Variants in JMY observed in about 807,000 individuals in gnomAD.
JMY encodes the protein junction-mediating and -regulatory protein.
In JMY, 46 loss-of-function variants were observed where a neutral mutation model predicts 103.3. That is an observed-to-expected ratio of 0.45 (90% CI 0.35 to 0.57). The LOEUF (loss-of-function observed/expected upper bound fraction) is 0.57. JMY is among the 20% of genes least tolerant of loss of function. The pLI, the probability that JMY is intolerant of heterozygous loss-of-function variation, is 0.00. For synonymous variants in JMY, 526 were observed against 489.3 expected (o/e 1.07, Z -0.99); for missense variants, 1,238 against 1,255.2 (o/e 0.99, Z 0.21).
At position 79,290,267 on chromosome 5, in the gene JMY, A is replaced by C. The variant is rs780701889; in HGVS notation, c.1353A>C (p.Gln451His). 1 of 1,476,762 alleles carries C rather than the reference A, an allele frequency of 6.8e-7. No homozygotes were observed. Among genetic ancestry groups the C allele is most frequent in the East Asian group, 2.5e-5 (1 of 40,730 alleles). 91.5% of individuals were successfully genotyped at this position (1,476,762 alleles called of 1,614,324 possible). ...ACTTTGAAATAACAGCTAAAGCTCA[A>C]AAAGGTAGGTTTCTCAGTAAATTTA... Reference protein sequence around the residue: ...VKYFEITAKAQKAVYDRMRAD... With the variant: ...VKYFEITAKAHKAVYDRMRAD... Residue 451 changes from glutamine to histidine, a missense_variant, in exon 3 of 11, where the codon CAA (glutamine) becomes CAC (histidine). Transcript: ENST00000396137.
intron 1 of JMY, among the ~76,000 whole-genome samples, chr5:79,267,018 T>C (rs1745605069): frequency 6.6e-6 from 1 of 152,222 alleles, no homozygotes; most frequent in African/African-American, 2.4e-5. Flanking sequence ...TAGACTTGAG[T>C]TTTTACATCA....
At chr5:79,241,128 C>T (rs1744727371) in intron 1 of JMY, among the ~76,000 whole-genome samples, 1 of 152,110 alleles carries the variant, frequency 6.6e-6, no homozygotes, top group South Asian at 2.1e-4. Context: ...CTTAAAATCA[C>T]CTGTTTTTGT....
chr5:79,277,825 C>T (rs1745984277), intron 1 of JMY, 85 bp from the exon 2 acceptor site: 2 of 1,268,186 alleles, frequency 1.6e-6, no homozygotes, highest in Admixed American at 2.3e-5. Context: ...TTCCGAGGTC[C>T]TGGCATGATA....
At chr5:79,307,687 T>A (rs2220839) in intron 7 of JMY, among the ~76,000 whole-genome samples, 80,678 of 152,032 alleles carry the variant, frequency 0.53, 22,019 homozygotes, top group Non-Finnish European at 0.62. Context: ...AGAGCGCATC[T>A]GTCCAAATGC....
intron 1 of JMY, among the ~76,000 whole-genome samples, chr5:79,270,083 T>C (rs1745699713): frequency 6.6e-6 from 1 of 151,920 alleles, no homozygotes; most frequent in African/African-American, 2.4e-5. Context: ...CATGGACAAA[T>C]AGGTCATCTG....
intron 7 of JMY, among the ~76,000 whole-genome samples, chr5:79,310,864 T>C (rs188597200): frequency 1.7e-4 from 26 of 152,214 alleles, no homozygotes; most frequent in African/African-American, 5.5e-4. Context: ...CAAGAAAACA[T>C]ACATGGTGGC....
chr5:79,236,518 G>C lies in JMY; in HGVS notation c.-133G>C. 1 of 617,760 alleles carries C rather than the reference G, an allele frequency of 1.6e-6. No homozygotes were observed. The highest frequency in any genetic ancestry group is 4.1e-5 in the South Asian group (1 of 24,254). 38.3% of individuals were successfully genotyped at this position (617,760 alleles called of 1,614,324 possible). On this transcript the variant is annotated 5_prime_UTR_variant, in exon 1 of 11. Transcript: ENST00000396137. The stretch of plus-strand genomic sequence containing the variant: ...GCGGAGGGACAGGCGAACGAGCCGG[G>C]AGAGCCGGCCGGCGCACTAAGATGG...
intron 1 of JMY, among the ~76,000 whole-genome samples, chr5:79,237,979 C>T (rs2112036929): frequency 6.6e-6 from 1 of 152,286 alleles, no homozygotes; most frequent in African/African-American, 2.4e-5. Flanking sequence ...GAAAAGTGTT[C>T]TGTAAGCATG....
At chr5:79,269,736 A>AT (rs905517032) in intron 1 of JMY, among the ~76,000 whole-genome samples, 54 of 149,236 alleles carry the variant, frequency 3.6e-4, no homozygotes, top group Middle Eastern at 3.4e-3. Context: ...TTTTTTATTT[A>AT]TTTTTTTTTT....
At chr5:79,246,363 T>C (rs1053602902) in intron 1 of JMY, among the ~76,000 whole-genome samples, 1 of 152,144 alleles carries the variant, frequency 6.6e-6, no homozygotes, top group Non-Finnish European at 1.5e-5. Flanking sequence ...AATAGTTAGT[T>C]AACCTTTATT....
rs764755143 is a variant in JMY, at chr5:79,237,491, G to C, written c.841G>C (p.Glu281Gln). 1 of 1,613,776 alleles carries C rather than the reference G, an allele frequency of 6.2e-7. No individual in the cohort carries two copies. Reference protein sequence around the residue: ...FGGAPEMTEQEIDTLCYQLQV... With the variant: ...FGGAPEMTEQQIDTLCYQLQV... ...GGGCGCCCCCGAGATGACCGAGCAG[G>C]AAATCGACACTCTGTGTTACCAGCT... is the stretch of plus-strand genomic sequence containing the variant. The change falls in exon 1 of 11, where the codon GAA (glutamate) becomes CAA (glutamine). Residue 281 changes from glutamate (E) to glutamine (Q), a missense_variant. By Grantham distance (29) the Glu-to-Gln change is conservative. Transcript: ENST00000396137.
intron 4 of JMY, among the ~76,000 whole-genome samples, chr5:79,291,766 C>T (rs747041376): frequency 2.0e-5 from 3 of 152,148 alleles, no homozygotes; most frequent in Admixed American, 6.5e-5. Context: ...CCTCTGTACC[C>T]GCTACAGTCA....
chr5:79,312,513 G>A lies in JMY; in HGVS notation c.2064+15G>A. 7.4e-7 allele frequency: 1 copy of A among 1,344,148 alleles called. No individual in the cohort carries two copies. Among genetic ancestry groups the A allele is most frequent in the Non-Finnish European group, 1.0e-6 (1 of 987,142 alleles). 83.3% of individuals were successfully genotyped at this position (1,344,148 alleles called of 1,614,324 possible). On this transcript the variant is annotated intron_variant, in intron 8 of 10. Transcript: ENST00000396137. ...CATTTAAACAGGTATTAAAAGTAAT[G>A]GTCCATTTATTGTTTTTCTTTTTTT...
intron 7 of JMY, among the ~76,000 whole-genome samples, chr5:79,307,472 T>C (rs1289231962): frequency 6.6e-6 from 1 of 152,040 alleles, no homozygotes; most frequent in African/African-American, 2.4e-5. Context: ...TCTTTTGGTG[T>C]GTGTGGGTGC....
chr5:79,239,158 C>T (rs751665626), intron 1 of JMY, among the ~76,000 whole-genome samples: 2 of 152,124 alleles, frequency 1.3e-5, no homozygotes, highest in Non-Finnish European at 2.9e-5. Context: ...ATAGTACTCT[C>T]TTACAACTTC....
chr5:79,236,522 G>C lies in JMY; in HGVS notation c.-129G>C, dbSNP rs1161058650. ...AGGGACAGGCGAACGAGCCGGGAGA[G>C]CCGGCCGGCGCACTAAGATGGCTGA... On this transcript the variant is annotated 5_prime_UTR_variant, in exon 1 of 11. Transcript: ENST00000396137. 2 of 645,524 alleles carry C rather than the reference G, an allele frequency of 3.1e-6. No homozygotes were observed. The highest frequency in any genetic ancestry group is 4.6e-6 in the Non-Finnish European group (2 of 436,982). The allele number at this position is 645,524 out of a possible 1,614,324, so 40.0% of individuals were successfully genotyped here.
intron 1 of JMY, among the ~76,000 whole-genome samples, chr5:79,241,315 A>G (rs1744734869): frequency 6.6e-6 from 1 of 152,260 alleles, no homozygotes; most frequent in African/African-American, 2.4e-5. Flanking sequence ...TAGTGGATAA[A>G]GGAAACTAGA....
At chr5:79,259,709 G>C (rs1249315078) in intron 1 of JMY, among the ~76,000 whole-genome samples, 1 of 152,258 alleles carries the variant, frequency 6.6e-6, no homozygotes, top group Non-Finnish European at 1.5e-5. Context: ...ACCCAGCCAG[G>C]TTGTGACAGA....
Position 79,317,329 on chromosome 5 carries a change from A to G in JMY, c.*3+1019A>G, listed in dbSNP as rs1008422239. 3.3e-5 allele frequency among the ~76,000 whole-genome samples: 5 copies of G among 152,168 alleles called. No homozygotes were observed. The East Asian group carries it at 7.7e-4, about 23-fold the overall frequency. ...ATATCTAATGAATACTCCTATACATATTAAGATTCTCTTTGGTTACACATG... is the reference window on the plus strand; with the variant it reads ...ATATCTAATGAATACTCCTATACATGTTAAGATTCTCTTTGGTTACACATG... On this transcript the variant is annotated intron_variant, in intron 10 of 10. Coordinates refer to ENST00000396137, the MANE Select transcript of JMY (RefSeq NM_152405.5).
Sources: allele counts gnomAD v4.1 joint callset (sites outside exome capture counted in the v4.1 genomes callset), GRCh38; gene constraint gnomAD v4.1.1; transcripts MANE v1.5; gene names NCBI Gene and HGNC (gene_info 2026-07-23, HGNC 2026-07-21).